STK3: variants seen among roughly 807,000 people sequenced by gnomAD.
The protein encoded by STK3 is serine/threonine kinase 3, also known as serine/threonine-protein kinase 3.
A neutral mutation model predicts 58.0 loss-of-function variants in STK3; 41 were observed. That is an observed-to-expected ratio of 0.71 (90% confidence interval 0.55 to 0.92). The LOEUF is 0.92. Among genes scored for constraint, STK3 ranks in the 40% least tolerant of loss-of-function variants. The pLI is 0.00. For synonymous variants in STK3, 170 were observed against 191.0 expected (o/e 0.89, Z 0.91); for missense variants, 479 against 602.7 (o/e 0.79, Z 2.15).
intron 6 of STK3, among the ~76,000 whole-genome samples, chr8:98,647,039 T>C (rs1325863750): frequency 6.6e-6 from 1 of 152,182 alleles, no homozygotes; most frequent in Non-Finnish European, 1.5e-5. Flanking sequence ...ACTACTGATC[T>C]CACCTACCTC....
chr8:98,674,561 A>G (rs185595678), intron 6 of STK3, among the ~76,000 whole-genome samples: 340 of 152,256 alleles, frequency 2.2e-3, no homozygotes, highest in African/African-American at 7.8e-3. Flanking sequence ...CATTCTATAT[A>G]TCAAACTTAA....
At chr8:98,669,071 A>C (rs1241783902) in intron 6 of STK3, among the ~76,000 whole-genome samples, 18 of 138,934 alleles carry the variant, frequency 1.3e-4, no homozygotes. Context: ...ATCTCAGCTC[A>C]CTGCAACCTC....
intron 4 of STK3, among the ~76,000 whole-genome samples, chr8:98,727,607 G>C (rs962270600): frequency 2.6e-5 from 4 of 152,146 alleles, no homozygotes; most frequent in South Asian, 4.1e-4. Flanking sequence ...AGAAATGCTA[G>C]AGGTTATTCC....
At chr8:98,768,354 T>A (rs1831075390) in intron 2 of STK3, among the ~76,000 whole-genome samples, 1 of 152,226 alleles carries the variant, frequency 6.6e-6, no homozygotes, top group African/African-American at 2.4e-5. Context: ...AAACATCGAA[T>A]GTTTCCTAAT....
At chr8:98,630,030 T>C (rs1819060140) in intron 6 of STK3, among the ~76,000 whole-genome samples, 1 of 152,158 alleles carries the variant, frequency 6.6e-6, no homozygotes, top group African/African-American at 2.4e-5. Flanking sequence ...CTAAGCCTCC[T>C]TACCCTGCCT....
At chr8:98,580,244 T>C (rs1332105152) in intron 7 of STK3, among the ~76,000 whole-genome samples, 1 of 152,224 alleles carries the variant, frequency 6.6e-6, no homozygotes, top group African/African-American at 2.4e-5. Context: ...TTCTTTAACA[T>C]ATTTTCTATT....
At chr8:98,725,353 A>T (rs978220245) in intron 4 of STK3, among the ~76,000 whole-genome samples, 1 of 152,180 alleles carries the variant, frequency 6.6e-6, no homozygotes, top group Admixed American at 6.5e-5. Flanking sequence ...AGATGTGAAG[A>T]CATTAACTTC....
chr8:98,700,840 AC>A (rs1205984334), intron 6 of STK3, among the ~76,000 whole-genome samples: 2 of 152,112 alleles, frequency 1.3e-5, no homozygotes, highest in Non-Finnish European at 2.9e-5. Flanking sequence ...ATGCTGAACA[AC>A]AGGTAAGCAA....
intron 6 of STK3, among the ~76,000 whole-genome samples, chr8:98,607,965 G>A (rs1375721896): frequency 6.6e-6 from 1 of 152,018 alleles, no homozygotes; most frequent in Non-Finnish European, 1.5e-5. Flanking sequence ...GTTCACATAT[G>A]AATAAAGATC....
chr8:98,814,569 C>T (rs1834430588), intron 1 of STK3, among the ~76,000 whole-genome samples: 1 of 152,030 alleles, frequency 6.6e-6, no homozygotes, highest in Non-Finnish European at 1.5e-5. Context: ...TGCAGTGGTA[C>T]AATCACAGCC....
chr8:98,919,616 A>G (rs1338896419), intron 1 of STK3, among the ~76,000 whole-genome samples: 1 of 152,198 alleles, frequency 6.6e-6, no homozygotes, highest in East Asian at 1.9e-4. Flanking sequence ...CAAGAACTGA[A>G]TATTTCAATG....
chr8:98,566,561 AAATC>A (rs1243328882), intron 8 of STK3, among the ~76,000 whole-genome samples: 1 of 152,214 alleles, frequency 6.6e-6, no homozygotes, highest in East Asian at 1.9e-4. Context: ...TGAAATTCTG[AAATC>A]AGAGAAAAAA....
chr8:98,395,704 T>G (rs944491383), intron 3 of STK3, among the ~76,000 whole-genome samples: 1 of 152,234 alleles, frequency 6.6e-6, no homozygotes, highest in Non-Finnish European at 1.5e-5. Flanking sequence ...TATTTCTATA[T>G]GCAAACATAT....
intron 10 of STK3, among the ~76,000 whole-genome samples, chr8:98,514,324 C>A (rs529949725): frequency 6.6e-6 from 1 of 152,008 alleles, no homozygotes; most frequent in South Asian, 2.1e-4. Flanking sequence ...AGTTAAGAGT[C>A]AGAAAAGGGA....
At chr8:98,382,889 G>T (rs1318486000) in intron 1 of STK3, among the ~76,000 whole-genome samples, 1 of 152,224 alleles carries the variant, frequency 6.6e-6, no homozygotes, top group East Asian at 1.9e-4. Flanking sequence ...GCTCCGTCCT[G>T]CATGGCAGCG....
In STK3 at chr8:98,419,556, C is replaced by G. The variant is rs117161301; in HGVS notation, n.483+14571G>C. Among the ~76,000 whole-genome samples, 453 of 152,272 alleles carry G rather than the reference C, an allele frequency of 3.0e-3. 1 individual carries two copies. The highest frequency in any genetic ancestry group is 7.9e-3 in the South Asian group (38 of 4,828). On this transcript the variant is annotated intron_variant and non_coding_transcript_variant, in intron 3 of 3. Transcript: ENST00000517832. ...CTAAGAGAACATTTCTCAGTGCCAA[C>G]CAGGACTCCTAGAGAGCCTGGGCAT... is the stretch of plus-strand genomic sequence containing the variant.
chr8:98,385,576 T>C (rs1347639076), intron 1 of STK3, among the ~76,000 whole-genome samples: 1 of 152,130 alleles, frequency 6.6e-6, no homozygotes, highest in Non-Finnish European at 1.5e-5. Flanking sequence ...GCGTCTCAGC[T>C]GGTGCCTGAA....
intron 1 of STK3, among the ~76,000 whole-genome samples, chr8:98,794,871 C>A (rs1271798353): frequency 6.6e-6 from 1 of 151,324 alleles, no homozygotes; most frequent in Non-Finnish European, 1.5e-5. Flanking sequence ...AGTTCGAGAC[C>A]AGCCTGACCA....
At chr8:98,634,289 AC>A (rs1819472044) in intron 6 of STK3, among the ~76,000 whole-genome samples, 1 of 152,036 alleles carries the variant, frequency 6.6e-6, no homozygotes, top group Admixed American at 6.6e-5. Flanking sequence ...GAGTTTGAGA[AC>A]AGCCTGGGCA....
Sources: gnomAD v4.1 joint callset for allele counts (sites outside exome capture counted in the v4.1 genomes callset) on GRCh38, gnomAD v4.1.1 for gene constraint, MANE v1.5 for transcripts, NCBI Gene and HGNC (gene_info 2026-07-23, HGNC 2026-07-21) for gene names.